The following SLC10A1 variants were observed in gnomAD, a reference collection of about 807,000 sequenced individuals.
SLC10A1 encodes hepatic sodium/bile acid cotransporter.
Under a neutral mutation model 20.5 loss-of-function variants are expected in SLC10A1, and 36 were observed. That is an observed-to-expected ratio of 1.75 (90% CI 1.34 to 2.32). The LOEUF (loss-of-function observed/expected upper bound fraction) is 2.32, where lower values mean the gene tolerates loss of function less well. Ranked by LOEUF, SLC10A1 falls within the 30% of genes most tolerant of loss-of-function variation. The pLI, the probability that SLC10A1 is intolerant of heterozygous loss-of-function variation, is 0.00. For synonymous variants in SLC10A1, 188 were observed against 163.6 expected, an observed-to-expected ratio of 1.15 and a Z score of -1.14; for missense variants, 545 against 439.1, an observed-to-expected ratio of 1.24 and a Z score of -2.16.
chr14:69,783,209 C>A (rs1883637933), intron 2 of SLC10A1, among the ~76,000 whole-genome samples: 1 of 152,122 alleles, frequency 6.6e-6, no homozygotes, highest in African/African-American at 2.4e-5. Flanking sequence ...CCCTTCATTC[C>A]TTTATTTATT....
rs1883438680 is a variant in SLC10A1, at chr14:69,776,093, G to T, written c.*189C>A. ...AAATAAGTAGCAAATTCTAAGTTGG[G>T]GATAGGTGAGGCTTCTTGGGTAGAC... On this transcript the variant is annotated 3_prime_UTR_variant, in exon 5 of 5. Transcript: ENST00000216540. The T allele has an allele frequency of 3.5e-6, 2 of 564,268 alleles. No individual in the cohort carries two copies. Among genetic ancestry groups the T allele is most frequent in the African/African-American group, 3.8e-5 (2 of 52,604 alleles). 35.0% of individuals were successfully genotyped at this position (564,268 alleles called of 1,614,324 possible). A position where few individuals can be genotyped will look rare whatever the true frequency, so the allele number is the denominator to read the frequency against.
At chr14:69,779,965 T>C (rs1479301404) in intron 2 of SLC10A1, among the ~76,000 whole-genome samples, 8 of 152,194 alleles carry the variant, frequency 5.3e-5, no homozygotes, top group Non-Finnish European at 1.2e-4. Context: ...CAGATAGGGA[T>C]TTTATCCATT....
rs747096695 is a variant in SLC10A1 at position 69,779,329 on chromosome 14, A to T, written c.599T>A (p.Val200Glu). ...GGMIIILLCS[V>E]AVTVLSAINV... ...GATGGCAGAGAGAACTGTGACGGCC[A>T]CACTGCACAAGAGAATGATGATCAT... The change falls in exon 3 of 5, where the codon GTG becomes GAG. Residue 200 changes from valine (V) to glutamate (E), a missense_variant. Physicochemically the swap from Val to Glu is moderately radical, Grantham distance 121. Coordinates refer to ENST00000216540, the MANE Select transcript of SLC10A1 (RefSeq NM_003049.4). 30 of 1,613,878 alleles carry T rather than the reference A, an allele frequency of 1.9e-5. No individual in the cohort carries two copies. The Admixed American group carries it at 5.0e-4, about 27-fold the overall frequency.
intron 1 of SLC10A1, among the ~76,000 whole-genome samples, chr14:69,793,961 C>T (rs1882336513): frequency 6.6e-6 from 1 of 152,128 alleles, no homozygotes; most frequent in East Asian, 1.9e-4. Context: ...TGCTTGGTGG[C>T]CTGGCCTCCT....
chr14:69,796,511 G>A (rs1447007347), intron 1 of SLC10A1, among the ~76,000 whole-genome samples: 1 of 152,134 alleles, frequency 6.6e-6, no homozygotes, highest in Non-Finnish European at 1.5e-5. Flanking sequence ...GCTTTAATCA[G>A]TGCTCCTTTA....
Position 69,786,325 on chromosome 14 carries a change from A to C in SLC10A1, c.357-18T>G, listed in dbSNP as rs772817817. 1.9e-6 allele frequency: 3 copies of C among 1,606,020 alleles called. No individual in the cohort carries two copies. The African/African-American group carries it at 4.0e-5, about 21-fold the overall frequency. On this transcript the variant is annotated intron_variant, in intron 1 of 4. Transcript: ENST00000216540. Reference sequence around the variant, plus strand: ...TCACAATGCTGGTGGGAGACATGGGAAGAGGGGAGAGAGAGAGAGCCCATA... The same window carrying C: ...TCACAATGCTGGTGGGAGACATGGGCAGAGGGGAGAGAGAGAGAGCCCATA...
chr14:69,776,181 A>G lies in SLC10A1; in HGVS notation c.*101T>C. Reference sequence around the variant, plus strand: ...GATAGATGTACTGGAAATGCTGGAGAAAGACTCAGGCAAGACTGGTGTTTT... The same window carrying G: ...GATAGATGTACTGGAAATGCTGGAGGAAGACTCAGGCAAGACTGGTGTTTT... On this transcript the variant is annotated 3_prime_UTR_variant, in exon 5 of 5. Coordinates refer to ENST00000216540, the MANE Select transcript of SLC10A1 (RefSeq NM_003049.4). 1.3e-6 allele frequency: 1 copy of G among 793,834 alleles called. No individual in the cohort carries two copies. The highest frequency in any genetic ancestry group is 2.5e-5 in the East Asian group (1 of 40,328). 49.2% of individuals were successfully genotyped at this position (793,834 alleles called of 1,614,324 possible).
intron 1 of SLC10A1, among the ~76,000 whole-genome samples, chr14:69,789,034 G>A (rs1883786085): frequency 6.6e-6 from 1 of 152,164 alleles, no homozygotes; most frequent in Non-Finnish European, 1.5e-5. Flanking sequence ...ATATCTACTA[G>A]CATGGCTATA....
chr14:69,778,002 T>C (rs1057269012), intron 4 of SLC10A1, among the ~76,000 whole-genome samples: 1 of 152,150 alleles, frequency 6.6e-6, no homozygotes, highest in African/African-American at 2.4e-5. Context: ...TAGAGGCCTT[T>C]CACACAACTA....
In SLC10A1 at chr14:69,779,145, A is replaced by AGT. The variant is rs752904902; in HGVS notation, c.746+35_746+36dup. 4.0e-6 allele frequency: 6 copies of AGT among 1,501,206 alleles called. No homozygotes were observed. The African/African-American group carries it at 8.5e-5, about 21-fold the overall frequency. The allele number at this position is 1,501,206 out of a possible 1,614,324, so 93.0% of individuals were successfully genotyped here. On this transcript the variant is annotated intron_variant, in intron 3 of 4. Coordinates refer to ENST00000216540, the MANE Select transcript of SLC10A1 (RefSeq NM_003049.4). ...TACTCCCCTCCAGCCTGGGCAACAGAGTGAGACCCTTTCTTAAAAAAAAAA... is the reference window on the plus strand; with the variant it reads ...TACTCCCCTCCAGCCTGGGCAACAGAGTGTGAGACCCTTTCTTAAAAAAAAAA...
chr14:69,777,582 T>TG (rs1390958594), intron 4 of SLC10A1, among the ~76,000 whole-genome samples: 7 of 85,680 alleles, frequency 8.2e-5, no homozygotes, highest in Non-Finnish European at 8.5e-5. Flanking sequence ...TGTCCTGTTT[T>TG]TTTTTTTTTT....
chr14:69,784,989 T>A (rs1484986503), intron 2 of SLC10A1, among the ~76,000 whole-genome samples: 1 of 152,176 alleles, frequency 6.6e-6, no homozygotes, highest in African/African-American at 2.4e-5. Flanking sequence ...TTGACTTCTT[T>A]GTTCCAGGCC....
At chr14:69,790,651 A>C (rs963848819) in intron 1 of SLC10A1, among the ~76,000 whole-genome samples, 4 of 152,102 alleles carry the variant, frequency 2.6e-5, no homozygotes, top group African/African-American at 4.8e-5. Context: ...CTTGAAAGGA[A>C]ATCTATTAGA....
chr14:69,793,189 C>T (rs1882313352), intron 1 of SLC10A1, among the ~76,000 whole-genome samples: 4 of 152,130 alleles, frequency 2.6e-5, no homozygotes, highest in Admixed American at 2.6e-4. Flanking sequence ...ACTTGGTGTG[C>T]CTTGTCAGCT....
At chr14:69,789,781 T>C (rs1883798473) in intron 1 of SLC10A1, among the ~76,000 whole-genome samples, 1 of 152,074 alleles carries the variant, frequency 6.6e-6, no homozygotes, top group Admixed American at 6.5e-5. Context: ...AACATATTTA[T>C]ATTGAAAAAG....
In SLC10A1 at chr14:69,776,066, T is replaced by C; in HGVS notation, c.*216A>G. The stretch of plus-strand genomic sequence containing the variant: ...AGTTTACAGTCACTGAACAAGTCTT[T>C]AAAATAAGTAGCAAATTCTAAGTTG... On this transcript the variant is annotated 3_prime_UTR_variant, in exon 5 of 5. Coordinates refer to ENST00000216540, the MANE Select transcript of SLC10A1 (RefSeq NM_003049.4). 1 of 555,114 alleles carries C rather than the reference T, an allele frequency of 1.8e-6. No individual in the cohort carries two copies. The highest frequency in any genetic ancestry group is 2.3e-5 in the South Asian group (1 of 43,656). The allele number at this position is 555,114 out of a possible 1,614,324, so 34.4% of individuals were successfully genotyped here.
intron 1 of SLC10A1, among the ~76,000 whole-genome samples, chr14:69,794,743 G>T (rs2139723441): frequency 6.6e-6 from 1 of 152,312 alleles, no homozygotes; most frequent in East Asian, 1.9e-4. Flanking sequence ...TTTTATGGCA[G>T]AAGGTGGCTG....
intron 2 of SLC10A1, among the ~76,000 whole-genome samples, chr14:69,780,514 A>C (rs767634759): frequency 1.5e-4 from 23 of 152,226 alleles, no homozygotes; most frequent in Admixed American, 7.9e-4. Context: ...ATGTATAGCA[A>C]AGTTTGCCAT....
chr14:69,780,600 A>G (rs1241806331), intron 2 of SLC10A1, among the ~76,000 whole-genome samples: 1 of 152,226 alleles, frequency 6.6e-6, no homozygotes, highest in Non-Finnish European at 1.5e-5. Context: ...TAACATTTAT[A>G]TTGCTCAAAT....
Sources: gnomAD v4.1 joint callset for allele counts (sites outside exome capture counted in the v4.1 genomes callset) on GRCh38, gnomAD v4.1.1 for gene constraint, MANE v1.5 for transcripts, NCBI Gene and HGNC (gene_info 2026-07-23, HGNC 2026-07-21) for gene names.